The following MAPK10 variants were observed in gnomAD, a reference collection of about 807,000 sequenced individuals.
The protein encoded by MAPK10 is JNK3 alpha protein kinase.
A neutral mutation model predicts 59.3 loss-of-function variants in MAPK10; 25 were observed. That is an observed-to-expected ratio of 0.42 (90% CI 0.31 to 0.59). The LOEUF is 0.59. Ranked by LOEUF, MAPK10 falls within the 20% of genes least tolerant of loss-of-function variation. MAPK10 has a pLI of 0.15. For missense variants in MAPK10, 351 were observed against 568.9 expected (o/e 0.62, Z 3.90); for synonymous variants, 190 against 200.5 (o/e 0.95, Z 0.44).
At chr4:86,133,619 G>T (rs1391837108) in intron 4 of MAPK10, among the ~76,000 whole-genome samples, 1 of 152,186 alleles carries the variant, frequency 6.6e-6, no homozygotes, top group East Asian at 1.9e-4. Flanking sequence ...GTTTAGAAGA[G>T]AATTTGAACT....
chr4:86,434,561 CA>C (rs1186307733), intron 1 of MAPK10, among the ~76,000 whole-genome samples: 3 of 152,134 alleles, frequency 2.0e-5, no homozygotes, highest in Non-Finnish European at 4.4e-5. Context: ...CGTAAGTAAC[CA>C]TCAAAGAAAT....
At chr4:86,394,998 T>C (rs1742726634) in intron 1 of MAPK10, among the ~76,000 whole-genome samples, 1 of 152,092 alleles carries the variant, frequency 6.6e-6, no homozygotes, top group South Asian at 2.1e-4. Context: ...CTCTCCAAAA[T>C]AAAAAGGCAT....
intron 2 of MAPK10, chr4:86,352,354 A>G (rs1300243936): frequency 2.0e-5 from 3 of 152,220 alleles, no homozygotes; most frequent in Admixed American, 1.3e-4. Context: ...GCATATTGAT[A>G]CAATAGAATA....
At chr4:86,030,233 T>C (rs1040548869) in intron 12 of MAPK10, among the ~76,000 whole-genome samples, 22 of 152,358 alleles carry the variant, frequency 1.4e-4, no homozygotes, top group African/African-American at 4.6e-4. Context: ...TTTTTGTATA[T>C]GTTCATTTTT....
intron 2 of MAPK10, among the ~76,000 whole-genome samples, chr4:86,339,573 C>T (rs6531921): frequency 0.73 from 111,240 of 152,124 alleles, 41,272 homozygotes; most frequent in South Asian, 0.9. Flanking sequence ...TCAACTATTT[C>T]CTTTATTGTT....
intron 3 of MAPK10, among the ~76,000 whole-genome samples, chr4:86,185,791 T>A (rs1389934416): frequency 1.3e-5 from 2 of 152,104 alleles, no homozygotes; most frequent in Non-Finnish European, 2.9e-5. Context: ...TTCCAAGGAT[T>A]TTATTATAAG....
chr4:86,137,960 A>G (rs1169059154), intron 4 of MAPK10, among the ~76,000 whole-genome samples: 4 of 132,912 alleles, frequency 3.0e-5, no homozygotes, highest in Non-Finnish European at 6.4e-5. Context: ...TCCTCGACAC[A>G]TACACTCTCC....
In MAPK10 at chr4:86,359,901, G is replaced by C; in HGVS notation, c.-365C>G. 1 of 985,640 alleles carries C rather than the reference G, an allele frequency of 1.0e-6. No individual in the cohort carries two copies. Among genetic ancestry groups the C allele is most frequent in the Non-Finnish European group, 1.2e-6 (1 of 829,914 alleles). 61.1% of individuals were successfully genotyped at this position (985,640 alleles called of 1,614,324 possible). A position where few individuals can be genotyped will look rare whatever the true frequency, so the allele number is the denominator to read the frequency against. On this transcript the variant is annotated 5_prime_UTR_variant, in exon 1 of 14. Coordinates refer to ENST00000641462, the MANE Select transcript of MAPK10 (RefSeq NM_138982.4). ...AATTTGTAAAAATGAAAAAAGAAAA[G>C]AAAAAGGTAAGCATATAGCAAGCAC...
chr4:86,288,022 G>A (rs2095084299), intron 2 of MAPK10, among the ~76,000 whole-genome samples: 1 of 152,110 alleles, frequency 6.6e-6, no homozygotes, highest in Non-Finnish European at 1.5e-5. Flanking sequence ...ATGGTATGGT[G>A]GAGAAAGAAT....
At chr4:86,178,227 A>G (rs777934494) in intron 3 of MAPK10, among the ~76,000 whole-genome samples, 3 of 152,060 alleles carry the variant, frequency 2.0e-5, no homozygotes, top group Non-Finnish European at 4.4e-5. Flanking sequence ...TTTTGTTCTC[A>G]GTTAAATGTA....
rs137946322 is a variant in MAPK10 at position 86,417,699 on chromosome 4, C to A, written c.-122+35331G>T. ...TCATATTTAAACAAATCTAGAGATC[C>A]TCTGAGAACCTACTCACACTTTACA... On this transcript the variant is annotated intron_variant, in intron 1 of 13. Coordinates refer to the MAPK10 transcript ENST00000361569. Among the ~76,000 whole-genome samples the A allele has an allele frequency of 2.8e-3, 424 of 152,204 alleles. 3 individuals are homozygous for A. Among genetic ancestry groups the A allele is most frequent in the African/African-American group, 9.9e-3 (410 of 41,536 alleles).
At chr4:86,402,835 TCTGTCAGTCAGCCCTGGG>T (rs1743896423) in intron 1 of MAPK10, among the ~76,000 whole-genome samples, 1 of 152,164 alleles carries the variant, frequency 6.6e-6, no homozygotes, top group South Asian at 2.1e-4. Flanking sequence ...CCTTAGCATC[TCTGTCAGTCAGCCCTGGG>T]CTGTAAGCAG....
intron 2 of MAPK10, among the ~76,000 whole-genome samples, chr4:86,285,623 T>C (rs749697444): frequency 6.6e-6 from 1 of 152,196 alleles, no homozygotes; most frequent in Non-Finnish European, 1.5e-5. Flanking sequence ...CATTCATGAA[T>C]TTTAAAGAAG....
chr4:86,419,467 T>C lies in MAPK10; in HGVS notation c.-122+33563A>G, dbSNP rs139813633. The stretch of plus-strand genomic sequence containing the variant: ...ACTTATGCAGCATTATCTTACCTAA[T>C]TACACTGTAGGACTCAAATCAAATG... On this transcript the variant is annotated intron_variant, in intron 1 of 13. Transcript: ENST00000361569. 1.0e-2 allele frequency among the ~76,000 whole-genome samples: 1,523 copies of C among 152,308 alleles called. 6 individuals carry two copies. The highest frequency in any genetic ancestry group is 0.015 in the Non-Finnish European group (1,006 of 68,024).
chr4:86,472,336 A>T (rs147485071), intron 1 of MAPK10, among the ~76,000 whole-genome samples: 1 of 152,352 alleles, frequency 6.6e-6, no homozygotes, highest in East Asian at 1.9e-4. Context: ...TCAAATACCG[A>T]TGTGAATAAT....
intron 1 of MAPK10, among the ~76,000 whole-genome samples, chr4:86,509,306 T>G (rs1225949186): frequency 6.6e-6 from 1 of 152,090 alleles, no homozygotes; most frequent in Non-Finnish European, 1.5e-5. Context: ...ATTGAAGGAT[T>G]GATATTCTAT....
At chr4:86,452,668 GC>G (rs1750859591) in intron 1 of MAPK10, among the ~76,000 whole-genome samples, 1 of 152,108 alleles carries the variant, frequency 6.6e-6, no homozygotes, top group Non-Finnish European at 1.5e-5. Flanking sequence ...TGTAAGCTAA[GC>G]TTGCCTATAA....
At chr4:86,145,480 A>G (rs1158575878) in intron 4 of MAPK10, among the ~76,000 whole-genome samples, 1 of 152,182 alleles carries the variant, frequency 6.6e-6, no homozygotes, top group Non-Finnish European at 1.5e-5. Context: ...AGTATTTCTC[A>G]ATGTTTCTGT....
chr4:86,493,886 T>C (rs571534107), intron 1 of MAPK10, among the ~76,000 whole-genome samples: 24 of 152,294 alleles, frequency 1.6e-4, no homozygotes, highest in Admixed American at 5.9e-4. Context: ...AAGCCTTTCT[T>C]TCCTGAGAGA....
Sources: gnomAD v4.1 joint callset for allele counts (sites outside exome capture counted in the v4.1 genomes callset) on GRCh38, gnomAD v4.1.1 for gene constraint, MANE v1.5 for transcripts, NCBI Gene and HGNC (gene_info 2026-07-23, HGNC 2026-07-21) for gene names.